The following DISP1 variants were observed in gnomAD, a reference collection of about 807,000 sequenced individuals.
DISP1 encodes the protein protein dispatched homolog 1.
DISP1 carries 30 observed loss-of-function variants against 37.3 expected under a neutral mutation model. The observed-to-expected ratio is 0.80, with a 90% confidence interval of 0.60 to 1.09. DISP1 has a LOEUF of 1.09. Among genes scored for constraint, DISP1 ranks in the 50% least tolerant of loss-of-function variants. The pLI is 0.00. For missense variants in DISP1, 1,598 were observed against 1,879.5 expected (o/e 0.85, Z 2.77); for synonymous variants, 634 against 690.2 (o/e 0.92, Z 1.28).
chr1:222,932,090 G>A (rs1400398400), intron 2 of DISP1, among the ~76,000 whole-genome samples: 3 of 151,890 alleles, frequency 2.0e-5, no homozygotes, highest in East Asian at 3.9e-4. Context: ...CTAATATGCA[G>A]CAATATTCTG....
chr1:222,846,010 C>G (rs1159551197), intron 1 of DISP1, among the ~76,000 whole-genome samples: 1 of 152,134 alleles, frequency 6.6e-6, no homozygotes, highest in African/African-American at 2.4e-5. Flanking sequence ...ACAATCTTTG[C>G]CTAACCTAAG....
intron 7 of DISP1, among the ~76,000 whole-genome samples, chr1:222,992,864 A>ATTTTTTTTTTTTTTTTTTT (rs71178523): frequency 8.4e-6 from 1 of 118,598 alleles, no homozygotes; most frequent in Non-Finnish European, 1.7e-5. Flanking sequence ...AAAACCCAGA[A>ATTTTTTTTTTTTTTTTTTT]TTTTTTTTTT....
At chr1:222,868,498 G>T (rs1669332085) in intron 1 of DISP1, among the ~76,000 whole-genome samples, 1 of 152,060 alleles carries the variant, frequency 6.6e-6, no homozygotes, top group Non-Finnish European at 1.5e-5. Flanking sequence ...TATCATTGAA[G>T]AATTTGGGAG....
chr1:222,943,694 C>T lies in DISP1; in HGVS notation c.509+362C>T, dbSNP rs1674550638. On this transcript the variant is annotated intron_variant, in intron 3 of 8. Transcript: ENST00000675850. Reference sequence around the variant, plus strand: ...AGACTAAACAGCAGTCATTTATTTGCTGTTATTGATAGTGGTGAACATTTA... The same window carrying T: ...AGACTAAACAGCAGTCATTTATTTGTTGTTATTGATAGTGGTGAACATTTA... 3 of 301,584 alleles carry T rather than the reference C, an allele frequency of 9.9e-6. No individual in the cohort carries two copies. The Admixed American group carries it at 1.5e-4, about 15-fold the overall frequency. 18.7% of individuals were successfully genotyped at this position (301,584 alleles called of 1,614,324 possible).
chr1:223,004,842 C>A lies in DISP1; in HGVS notation c.3445C>A (p.Leu1149Ile). ...TGGTCAGATTCCTTTACCTAAAAAA[C>A]TACAGTGCAGTGCCTTTTCCCATGC... ...TCGQIPLPKK[L>I]QCSAFSHALS... The change falls in exon 9 of 9, where the codon CTA (leucine) becomes ATA (isoleucine). Residue 1149 changes from leucine to isoleucine, a missense_variant. Transcript: ENST00000675850. The surrounding 1 kb of genome is among the most constrained non-coding windows in gnomAD (Gnocchi z 4.9). The A allele has an allele frequency of 6.2e-7, 1 of 1,610,056 alleles. No homozygotes were observed. The highest frequency in any genetic ancestry group is 8.5e-7 in the Non-Finnish European group (1 of 1,179,976).
intron 1 of DISP1, among the ~76,000 whole-genome samples, chr1:222,883,330 A>G (rs1670383152): frequency 2.0e-5 from 3 of 152,336 alleles, no homozygotes; most frequent in Admixed American, 1.3e-4. Context: ...ATTTTTCAAA[A>G]TAAAGATGGC....
At chr1:222,917,068 C>T (rs1481719562) in intron 1 of DISP1, among the ~76,000 whole-genome samples, 1 of 152,188 alleles carries the variant, frequency 6.6e-6, no homozygotes, top group Admixed American at 6.5e-5. Context: ...ATCAATCAAG[C>T]AGCTGACCAA....
chr1:222,820,574 A>G (rs1290236378), intron 1 of DISP1, among the ~76,000 whole-genome samples: 2 of 152,182 alleles, frequency 1.3e-5, no homozygotes, highest in Admixed American at 6.5e-5. Context: ...TAGGACATAA[A>G]TGGATATTCT....
chr1:222,946,013 A>G (rs377269669), intron 3 of DISP1: 7 of 152,120 alleles, frequency 4.6e-5, no homozygotes, highest in South Asian at 2.1e-4. Context: ...TTGTCCATCA[A>G]AAAAATTTGT....
Position 222,849,377 on chromosome 1 carries a change from A to G in DISP1, c.-159+34299A>G, listed in dbSNP as rs1668101032. Reference sequence around the variant, plus strand: ...TACCAATTACTGAAACTCTGAGAAGAACGAAGTTACTTCTAAACCTAGTAT... The same window carrying G: ...TACCAATTACTGAAACTCTGAGAAGGACGAAGTTACTTCTAAACCTAGTAT... On this transcript the variant is annotated intron_variant, in intron 1 of 8. Transcript: ENST00000675850. Among the ~76,000 whole-genome samples, 9 of 152,316 alleles carry G rather than the reference A, an allele frequency of 5.9e-5. 1 individual carries two copies. The highest frequency in any genetic ancestry group is 2.0e-4 in the Admixed American group (3 of 15,302).
chr1:222,840,802 T>A (rs1414727474), intron 1 of DISP1, among the ~76,000 whole-genome samples: 1 of 151,848 alleles, frequency 6.6e-6, no homozygotes, highest in Non-Finnish European at 1.5e-5. Flanking sequence ...GACCTTGTGA[T>A]CCGCCCACCT....
Position 222,922,611 on chromosome 1 carries a change from T to C in DISP1, c.-158-5819T>C, listed in dbSNP as rs143728722. On this transcript the variant is annotated intron_variant, in intron 1 of 8. Coordinates refer to ENST00000675850, the MANE Select transcript of DISP1 (RefSeq NM_001377229.1). ...GCGCAGAAGTAGGAAAATCAAGAAG[T>C]TGTTTGAGGATGATAAGATCATTTG... is the stretch of plus-strand genomic sequence containing the variant. Among the ~76,000 whole-genome samples the C allele has an allele frequency of 4.1e-4, 63 of 152,130 alleles. No individual in the cohort carries two copies. The East Asian group carries it at 0.012, about 29-fold the overall frequency.
At chr1:222,895,917 T>C (rs1671226219) in intron 1 of DISP1, among the ~76,000 whole-genome samples, 1 of 152,216 alleles carries the variant, frequency 6.6e-6, no homozygotes, top group African/African-American at 2.4e-5. Context: ...CTCAAGATTT[T>C]TTAAAAAGCC....
At position 223,004,841 on chromosome 1, in the gene DISP1, A is replaced by C; in HGVS notation, c.3444A>C (p.Lys1148Asn). The change falls in exon 9 of 9, where the codon AAA becomes AAC. Residue 1148 changes from lysine to asparagine, a missense_variant. Transcript: ENST00000675850. This position sits in a 1 kb window ranked among gnomAD's most constrained non-coding sequence, Gnocchi z 4.9. ...GTCGQIPLPK[K>N]LQCSAFSHAL... ...GTGGTCAGATTCCTTTACCTAAAAA[A>C]CTACAGTGCAGTGCCTTTTCCCATG... is the stretch of plus-strand genomic sequence containing the variant. The C allele has an allele frequency of 6.2e-7, 1 of 1,609,966 alleles. No homozygotes were observed. Among genetic ancestry groups the C allele is most frequent in the Non-Finnish European group, 8.5e-7 (1 of 1,179,940 alleles).
At chr1:222,968,779 C>T (rs1676692780) in intron 3 of DISP1, among the ~76,000 whole-genome samples, 1 of 151,530 alleles carries the variant, frequency 6.6e-6, no homozygotes, top group African/African-American at 2.4e-5. Flanking sequence ...ACTAAAAATA[C>T]AAAATTAGCC....
chr1:222,998,365 G>A (rs756421928), intron 8 of DISP1, among the ~76,000 whole-genome samples: 2 of 151,486 alleles, frequency 1.3e-5, no homozygotes, highest in East Asian at 2.0e-4. Flanking sequence ...TCCAGAAAAC[G>A]TCTGGTAATT....
chr1:222,870,927 T>C (rs2125343940), intron 1 of DISP1, among the ~76,000 whole-genome samples: 1 of 152,342 alleles, frequency 6.6e-6, no homozygotes, highest in Non-Finnish European at 1.5e-5. Flanking sequence ...GTTTTAGGTC[T>C]TACATGTAAG....
At chr1:222,918,162 T>A (rs1249076895) in intron 1 of DISP1, among the ~76,000 whole-genome samples, 1 of 152,122 alleles carries the variant, frequency 6.6e-6, no homozygotes, top group African/African-American at 2.4e-5. Context: ...ACATTCCCCA[T>A]CCAGGCCACA....
chr1:222,862,454 T>A (rs372463940), intron 1 of DISP1, among the ~76,000 whole-genome samples: 3 of 152,138 alleles, frequency 2.0e-5, no homozygotes, highest in Middle Eastern at 3.4e-3. Flanking sequence ...TAATTTAACA[T>A]TGATATAATT....
Sources: gnomAD v4.1 joint callset for allele counts (sites outside exome capture counted in the v4.1 genomes callset) on GRCh38, gnomAD v4.1.1 for gene constraint, Gnocchi (gnomAD v3.1) non-coding constraint, MANE v1.5 for transcripts, NCBI Gene and HGNC (gene_info 2026-07-23, HGNC 2026-07-21) for gene names.